FMN1: variants seen among roughly 807,000 people sequenced by gnomAD.
FMN1 encodes the protein formin 1.
Under a neutral mutation model 132.4 loss-of-function variants are expected in FMN1, and 110 were observed. The ratio of observed to expected loss-of-function variants is 0.83; its 90% CI spans 0.71 to 0.97. FMN1 has a LOEUF of 0.97. FMN1 is among the 50% of genes least tolerant of loss of function. The probability of loss-of-function intolerance (pLI) is 0.00; values close to 1 mark genes in which losing one functional copy is unlikely to be tolerated. For synonymous variants in FMN1, 722 were observed against 651.7 expected (o/e 1.11, Z -1.64); for missense variants, 1,792 against 1,705.3 (o/e 1.05, Z -0.90).
intron 6 of FMN1, among the ~76,000 whole-genome samples, chr15:33,014,495 C>T (rs901692542): frequency 5.3e-5 from 8 of 152,170 alleles, no homozygotes; most frequent in Non-Finnish European, 1.0e-4. Context: ...GTCACATTAG[C>T]CCCTAATGGA....
At chr15:33,115,776 G>A (rs2039900217) in intron 4 of FMN1, among the ~76,000 whole-genome samples, 1 of 152,050 alleles carries the variant, frequency 6.6e-6, no homozygotes, top group Non-Finnish European at 1.5e-5. Context: ...CAGACTTTCA[G>A]TTACCACTTA....
intron 17 of FMN1, among the ~76,000 whole-genome samples, chr15:32,812,170 C>T (rs1392445204): frequency 6.6e-6 from 1 of 152,178 alleles, no homozygotes; most frequent in African/African-American, 2.4e-5. Context: ...TCCCCATATA[C>T]ACATCACCGG....
chr15:32,946,329 G>A (rs183709084), intron 9 of FMN1, among the ~76,000 whole-genome samples: 1 of 152,176 alleles, frequency 6.6e-6, no homozygotes, highest in East Asian at 1.9e-4. Flanking sequence ...CATGAAGAGT[G>A]AGCGTCTACA....
chr15:33,151,486 C>T (rs1009967890), intron 4 of FMN1: 10 of 1,139,396 alleles, frequency 8.8e-6, no homozygotes, highest in Admixed American at 2.2e-5. Flanking sequence ...CAGTCTCCAA[C>T]AGAAACTGAA....
At chr15:32,995,122 G>A (rs2140879159) in intron 7 of FMN1, among the ~76,000 whole-genome samples, 1 of 151,994 alleles carries the variant, frequency 6.6e-6, no homozygotes, top group Admixed American at 6.6e-5. Flanking sequence ...ATGTATATAT[G>A]CAAAACACAT....
At chr15:33,047,163 T>G (rs540277964) in intron 6 of FMN1, among the ~76,000 whole-genome samples, 63 of 152,354 alleles carry the variant, frequency 4.1e-4, no homozygotes, top group Middle Eastern at 3.4e-3. Flanking sequence ...CTGTGTGGCC[T>G]TTACCATTTG....
chr15:33,147,263 C>G (rs902314461), intron 4 of FMN1, among the ~76,000 whole-genome samples: 4 of 152,056 alleles, frequency 2.6e-5, no homozygotes, highest in African/African-American at 9.7e-5. Flanking sequence ...CCAATTACAA[C>G]CCGAAAAGGT....
chr15:32,855,634 C>A (rs973994079), intron 17 of FMN1, among the ~76,000 whole-genome samples: 1 of 152,082 alleles, frequency 6.6e-6, no homozygotes, highest in Admixed American at 6.6e-5. Context: ...GTAAATAGTA[C>A]CCTGACATGC....
chr15:32,777,613 CATAACACATTTATATATTACGTATA>C lies in FMN1; in HGVS notation c.4131-719_4131-695del, dbSNP rs1567149730. The stretch of plus-strand genomic sequence containing the variant: ...ATAACACTTTATATATTACGTATAA[CATAACACATTTATATATTACGTATA>C]ACATAACACATTTATATATTACGTA... On this transcript the variant is annotated intron_variant, in intron 19 of 20. Coordinates refer to ENST00000616417, the MANE Select transcript of FMN1 (RefSeq NM_001277313.2). Among the ~76,000 whole-genome samples, 179 of 23,252 alleles carry C rather than the reference CATAACACATTTATATATTACGTATA, an allele frequency of 7.7e-3. 7 individuals are homozygous for C. The highest frequency in any genetic ancestry group is 0.024 in the African/African-American group (165 of 6,928). 15.3% of individuals were successfully genotyped at this position (23,252 alleles called of 152,430 possible). A position where few individuals can be genotyped will look rare whatever the true frequency, so the allele number is the denominator to read the frequency against.
chr15:33,047,594 T>C (rs1477842377), intron 6 of FMN1, among the ~76,000 whole-genome samples: 1 of 152,258 alleles, frequency 6.6e-6, no homozygotes, highest in Non-Finnish European at 1.5e-5. Context: ...TAAAAGCAAA[T>C]AGATCCCTCT....
At chr15:33,092,752 C>A (rs2038948257) in intron 4 of FMN1, among the ~76,000 whole-genome samples, 1 of 152,198 alleles carries the variant, frequency 6.6e-6, no homozygotes, top group South Asian at 2.1e-4. Flanking sequence ...TTGCCTCATA[C>A]ACTATCATGT....
chr15:32,776,081 A>ACCC (rs2056407115), intron 20 of FMN1, among the ~76,000 whole-genome samples: 1 of 152,076 alleles, frequency 6.6e-6, no homozygotes, highest in African/African-American at 2.4e-5. Flanking sequence ...AATAACCCCA[A>ACCC]AAAAAAAGTA....
At chr15:32,814,767 G>A (rs12905294) in intron 17 of FMN1, among the ~76,000 whole-genome samples, 55,703 of 151,830 alleles carry the variant, frequency 0.37, 11,503 homozygotes, top group East Asian at 0.58. Context: ...CATGGACTAC[G>A]GCCTTTTTCT....
Position 32,785,218 on chromosome 15 carries a change from A to ATATATATTTTT in FMN1, c.4131-8300_4131-8299insAAAAATATATA, listed in dbSNP as rs1444523400. Among the ~76,000 whole-genome samples the ATATATATTTTT allele has an allele frequency of 1.8e-3, 69 of 39,198 alleles. 3 individuals are homozygous for ATATATATTTTT. The highest frequency in any genetic ancestry group is 7.5e-3 in the African/African-American group (63 of 8,378). The allele number at this position is 39,198 out of a possible 152,430, so 25.7% of individuals were successfully genotyped here. A position where few individuals can be genotyped will look rare whatever the true frequency, so the allele number is the denominator to read the frequency against. On this transcript the variant is annotated intron_variant, in intron 19 of 20. Coordinates refer to ENST00000616417, the MANE Select transcript of FMN1 (RefSeq NM_001277313.2). ...TGTGTGTGTATATATATATATATAT[A>ATATATATTTTT]TTTTTTTTTTTTTTTTTTTGTAGAG...
intron 5 of FMN1, among the ~76,000 whole-genome samples, chr15:33,081,503 TG>T (rs758786826): frequency 5.2e-4 from 79 of 152,316 alleles, no homozygotes; most frequent in Middle Eastern, 6.8e-3. Flanking sequence ...GAATTTTTAC[TG>T]GATGAGTTCT....
intron 3 of FMN1, among the ~76,000 whole-genome samples, chr15:33,171,877 C>A (rs762054427): frequency 2.6e-5 from 4 of 152,242 alleles, no homozygotes; most frequent in Non-Finnish European, 4.4e-5. Context: ...TAATGTACAG[C>A]CATGAATAGT....
Position 32,910,474 on chromosome 15 carries a change from G to A in FMN1, c.3288C>T (p.Asn1096=), listed in dbSNP as rs745675468. The change falls in exon 11 of 21, where the codon AAC becomes AAT. Residue 1096 remains asparagine, a splice_region_variant and synonymous_variant. Transcript: ENST00000616417. ...AGCTCTGTAAGTCTTTGACACTCACGTTTTCATATAAGGCTGCCAGGGTCT... is the reference window on the plus strand; with the variant it reads ...AGCTCTGTAAGTCTTTGACACTCACATTTTCATATAAGGCTGCCAGGGTCT... ...DLETLAALYE[N]RAQEDELVKI... The A allele has an allele frequency of 6.5e-5, 102 of 1,574,170 alleles. No homozygotes were observed. Among genetic ancestry groups the A allele is most frequent in the Non-Finnish European group, 8.5e-5 (99 of 1,158,780 alleles).
rs185317960 is a variant in FMN1, at chr15:33,007,900, G to C, written c.2223+114C>G. On this transcript the variant is annotated intron_variant, in intron 7 of 20. Coordinates refer to ENST00000616417, the MANE Select transcript of FMN1 (RefSeq NM_001277313.2). The stretch of plus-strand genomic sequence containing the variant: ...ACACAGTGCCTACTGGCAGCTGCAA[G>C]ATGCGATGCTGTCTAGTTTAACACT... The C allele has an allele frequency of 5.0e-6, 4 of 793,604 alleles. No homozygotes were observed. The Admixed American group carries it at 1.1e-4, about 21-fold the overall frequency. The allele number at this position is 793,604 out of a possible 1,614,324, so 49.2% of individuals were successfully genotyped here. A position where few individuals can be genotyped will look rare whatever the true frequency, so the allele number is the denominator to read the frequency against.
chr15:33,055,333 C>A (rs530859690), intron 6 of FMN1, among the ~76,000 whole-genome samples: 13 of 152,148 alleles, frequency 8.5e-5, no homozygotes, highest in Non-Finnish European at 1.9e-4. Context: ...TCCTACCCTT[C>A]CAGATTGAAC....
Sources: gnomAD v4.1 joint callset for allele counts (sites outside exome capture counted in the v4.1 genomes callset) on GRCh38, gnomAD v4.1.1 for gene constraint, MANE v1.5 for transcripts, NCBI Gene and HGNC (gene_info 2026-07-23, HGNC 2026-07-21) for gene names.